Variants in RYR2 observed in about 807,000 individuals in gnomAD.
RYR2 encodes ryanodine receptor 2, also known as cardiac muscle ryanodine receptor-calcium release channel.
RYR2 carries 227 observed loss-of-function variants against 601.1 expected under a neutral mutation model. The observed-to-expected ratio is 0.38, with a 90% CI of 0.34 to 0.42. The LOEUF (loss-of-function observed/expected upper bound fraction) is 0.42. Ranked by LOEUF, RYR2 falls within the 10% of genes least tolerant of loss-of-function variation. The pLI, the probability that RYR2 is intolerant of heterozygous loss-of-function variation, is 1.00. For missense variants in RYR2, 4,646 were observed against 6,156.5 expected (o/e 0.75, Z 8.21); for synonymous variants, 2,223 against 2,175.1 (o/e 1.02, Z -0.61).
chr1:237,593,195 C>T (rs1675425132), intron 32 of RYR2, among the ~76,000 whole-genome samples: 2 of 152,190 alleles, frequency 1.3e-5, no homozygotes, highest in South Asian at 4.1e-4. Flanking sequence ...ATATGCTGAC[C>T]AGCATAAAAA....
intron 37 of RYR2, among the ~76,000 whole-genome samples, chr1:237,615,340 C>A (rs367941237): frequency 2.2e-4 from 33 of 152,190 alleles, no homozygotes; most frequent in African/African-American, 7.2e-4. Context: ...TGTAGGTATG[C>A]CACCATGCCC....
At chr1:237,538,394 CAAAAAAAAAAAAAAAAAAA>C (rs10551995) in intron 25 of RYR2, among the ~76,000 whole-genome samples, 4 of 32,872 alleles carry the variant, frequency 1.2e-4, no homozygotes, top group Non-Finnish European at 1.5e-4. Context: ...GACTCTGTCT[CAAAAAAAAAAAAAAAAAAA>C]AAAAAAAAAA....
intron 1 of RYR2, among the ~76,000 whole-genome samples, chr1:237,166,939 GT>G (rs1676774178): frequency 6.6e-6 from 1 of 152,216 alleles, no homozygotes; most frequent in African/African-American, 2.4e-5. Context: ...ACGAGATGAA[GT>G]TAAATGCTTT....
rs189953779 is a variant in RYR2 at position 237,673,575 on chromosome 1, A to G, written c.8591-521A>G. Among the ~76,000 whole-genome samples the G allele has an allele frequency of 4.1e-3, 631 of 152,288 alleles. 6 individuals are homozygous for G. Among genetic ancestry groups the G allele is most frequent in the Non-Finnish European group, 7.4e-3 (500 of 68,016 alleles). Reference sequence around the variant, plus strand: ...GATCCACTTTTAATGTAGCACATCTACATATGGTTTTGTGTATTTATAAAT... The same window carrying G: ...GATCCACTTTTAATGTAGCACATCTGCATATGGTTTTGTGTATTTATAAAT... On this transcript the variant is annotated intron_variant, in intron 58 of 104. Transcript: ENST00000366574.
In RYR2 at chr1:237,047,815, A is replaced by G. The variant is rs182780200; in HGVS notation, c.48+5246A>G. ...TACTCCAAGTGTGTGGTTATCCCAAAAGATTCTGTCCTATTTCCTGTTCTG... is the reference window on the plus strand; with the variant it reads ...TACTCCAAGTGTGTGGTTATCCCAAGAGATTCTGTCCTATTTCCTGTTCTG... On this transcript the variant is annotated intron_variant, in intron 1 of 104. Transcript: ENST00000366574. Among the ~76,000 whole-genome samples, 380 of 152,224 alleles carry G rather than the reference A, an allele frequency of 2.5e-3. 2 individuals carry two copies. The highest frequency in any genetic ancestry group is 8.5e-3 in the African/African-American group (351 of 41,534).
At chr1:237,354,453 C>A (rs1440070232) in intron 3 of RYR2, among the ~76,000 whole-genome samples, 1 of 151,728 alleles carries the variant, frequency 6.6e-6, no homozygotes, top group East Asian at 1.9e-4. Flanking sequence ...AAAATATGCA[C>A]TAAATATGCA....
intron 57 of RYR2, 64 bp from the exon 58 acceptor site, chr1:237,667,819 A>G: frequency 8.3e-7 from 1 of 1,211,206 alleles, no homozygotes; most frequent in South Asian, 1.4e-5. Flanking sequence ...CTAATATTAT[A>G]TATTAGAAAG....
intron 1 of RYR2, among the ~76,000 whole-genome samples, chr1:237,250,827 A>C (rs553545764): frequency 6.6e-5 from 10 of 152,278 alleles, no homozygotes; most frequent in Non-Finnish European, 1.5e-4. Flanking sequence ...TAAACATGTG[A>C]TCATATCTTC....
chr1:237,700,662 A>G (rs920695414), intron 65 of RYR2, among the ~76,000 whole-genome samples, 195 bp downstream of exon 65: 3 of 152,198 alleles, frequency 2.0e-5, no homozygotes, highest in African/African-American at 7.2e-5. Flanking sequence ...TCTGAATTAC[A>G]TGGACCCACA....
intron 14 of RYR2, 72 bp downstream of exon 14, chr1:237,445,594 A>G: frequency 6.4e-7 from 1 of 1,569,756 alleles, no homozygotes; most frequent in East Asian, 2.3e-5. Flanking sequence ...GCAAATAGAC[A>G]ATTTAAAAGT....
rs1247927726 is a variant in RYR2 at position 237,638,391 on chromosome 1, G to T, written c.6827G>T (p.Ser2276Ile). 3.1e-6 allele frequency: 5 copies of T among 1,613,960 alleles called. No homozygotes were observed. Among genetic ancestry groups the T allele is most frequent in the South Asian group, 1.1e-5 (1 of 91,088 alleles). The change falls in exon 45 of 105, where the codon AGT becomes ATT. Residue 2276 changes from serine (S) to isoleucine (I), a missense_variant. Around this residue, in one of 17 missense-constraint regions of RYR2, gnomAD observed 137 missense variants for 273.6 expected, o/e 0.50. Coordinates refer to ENST00000366574, the MANE Select transcript of RYR2 (RefSeq NM_001035.3). ...VRYLAGCGLQ[S>I]CQMLVSKGYP... ...TATTTGGCTGGTTGTGGACTGCAAA[G>T]TTGCCAGATGCTGGTGTCTAAGGGC...
At chr1:237,657,857 G>A in intron 53 of RYR2, 87 bp from the exon 54 acceptor site, 3 of 673,366 alleles carry the variant, frequency 4.5e-6, no homozygotes, top group Non-Finnish European at 7.6e-6. Context: ...TGAGATATAA[G>A]CATTCATAAG....
intron 44 of RYR2, among the ~76,000 whole-genome samples, chr1:237,636,417 T>C (rs1237811554): frequency 6.6e-6 from 1 of 152,124 alleles, no homozygotes; most frequent in East Asian, 1.9e-4. Context: ...GATCATGAAG[T>C]CTTGCATCTC....
At chr1:237,133,407 A>G (rs2148712853) in intron 1 of RYR2, among the ~76,000 whole-genome samples, 1 of 152,280 alleles carries the variant, frequency 6.6e-6, no homozygotes, top group East Asian at 1.9e-4. Flanking sequence ...GAGGGAGTAA[A>G]TGATATGTTT....
At chr1:237,123,682 A>G (rs1571920058) in intron 1 of RYR2, among the ~76,000 whole-genome samples, 1 of 102,780 alleles carries the variant, frequency 9.7e-6, no homozygotes, top group Admixed American at 1.5e-4. Flanking sequence ...TTTTTTTGAG[A>G]CGGAGTCTCG....
intron 51 of RYR2, among the ~76,000 whole-genome samples, chr1:237,654,026 A>G (rs551212567): frequency 6.6e-6 from 1 of 152,164 alleles, no homozygotes; most frequent in Non-Finnish European, 1.5e-5. Flanking sequence ...TCCTTTGGCA[A>G]CCCCCTCACA....
chr1:237,311,464 A>G (rs769817874), intron 2 of RYR2, among the ~76,000 whole-genome samples: 3 of 151,658 alleles, frequency 2.0e-5, no homozygotes, highest in Admixed American at 6.6e-5. Context: ...ATGACATGCA[A>G]TGACCTGAGA....
intron 12 of RYR2, among the ~76,000 whole-genome samples, chr1:237,424,689 T>C (rs981855340): frequency 6.6e-6 from 1 of 152,234 alleles, no homozygotes; most frequent in Non-Finnish European, 1.5e-5. Flanking sequence ...TTTACAAGCA[T>C]TAACAAATGA....
intron 1 of RYR2, among the ~76,000 whole-genome samples, chr1:237,237,905 T>C (rs1268261254): frequency 1.5e-5 from 2 of 135,150 alleles, no homozygotes; most frequent in African/African-American, 5.5e-5. Flanking sequence ...CCCCTTTCCT[T>C]TTTCCTTTCC....
Sources: allele counts gnomAD v4.1 joint callset (sites outside exome capture counted in the v4.1 genomes callset), GRCh38; gene constraint gnomAD v4.1.1; regional missense constraint gnomAD v4.1.1; transcripts MANE v1.5; gene names NCBI Gene and HGNC (gene_info 2026-07-23, HGNC 2026-07-21).